RALYL: variants seen among roughly 807,000 people sequenced by gnomAD.
RALYL encodes RNA-binding Raly-like protein.
A neutral mutation model predicts 35.1 loss-of-function variants in RALYL; 29 were observed. That is an observed-to-expected ratio of 0.83 (90% confidence interval 0.61 to 1.13). The LOEUF (loss-of-function observed/expected upper bound fraction) is 1.13, where lower values mean the gene tolerates loss of function less well. Ranked by LOEUF, RALYL falls within the 50% of genes most tolerant of loss-of-function variation. The pLI, the probability that RALYL is intolerant of heterozygous loss-of-function variation, is 0.00. For missense variants in RALYL, 359 were observed against 360.4 expected (o/e 1.00, Z 0.03); for synonymous variants, 120 against 127.6 (o/e 0.94, Z 0.40).
At chr8:84,334,151 T>C (rs922455757) in intron 1 of RALYL, among the ~76,000 whole-genome samples, 8 of 152,290 alleles carry the variant, frequency 5.3e-5, no homozygotes, top group African/African-American at 1.4e-4. Context: ...CCCCAAGTGC[T>C]GGGATTATAG....
At chr8:84,653,459 C>T (rs1049825344) in intron 2 of RALYL, among the ~76,000 whole-genome samples, 6 of 151,986 alleles carry the variant, frequency 3.9e-5, no homozygotes, top group African/African-American at 1.4e-4. Context: ...CAGTAGCTTC[C>T]TTGCTTTCCT....
At chr8:84,237,670 C>G (rs1406913464) in intron 1 of RALYL, among the ~76,000 whole-genome samples, 2 of 152,050 alleles carry the variant, frequency 1.3e-5, no homozygotes, top group Non-Finnish European at 2.9e-5. Flanking sequence ...AATAGAGGAA[C>G]ATCAGGCTGT....
At chr8:84,674,677 C>T (rs1833864472) in intron 2 of RALYL, among the ~76,000 whole-genome samples, 1 of 152,148 alleles carries the variant, frequency 6.6e-6, no homozygotes, top group East Asian at 1.9e-4. Flanking sequence ...CTGTATAATC[C>T]AGGTGGACAG....
At chr8:84,759,389 T>C (rs1046742398) in intron 2 of RALYL, among the ~76,000 whole-genome samples, 4 of 152,112 alleles carry the variant, frequency 2.6e-5, no homozygotes, top group African/African-American at 4.8e-5. Context: ...ACACTCAAGG[T>C]CCAGTCCTTT....
At chr8:84,746,571 A>C (rs901778129) in intron 2 of RALYL, among the ~76,000 whole-genome samples, 1 of 152,020 alleles carries the variant, frequency 6.6e-6, no homozygotes, top group Non-Finnish European at 1.5e-5. Flanking sequence ...GTATTGGACT[A>C]TACCACCAAA....
intron 1 of RALYL, among the ~76,000 whole-genome samples, chr8:84,328,069 G>A (rs550284140): frequency 6.6e-6 from 1 of 152,146 alleles, no homozygotes; most frequent in Admixed American, 6.5e-5. Flanking sequence ...TTTTGAGGCT[G>A]TCTTTCATAG....
chr8:84,644,939 A>G (rs902147198), intron 2 of RALYL, among the ~76,000 whole-genome samples: 2 of 151,720 alleles, frequency 1.3e-5, no homozygotes, highest in African/African-American at 4.8e-5. Context: ...TTTAATAGAG[A>G]CAGTTTCCCC....
intron 1 of RALYL, among the ~76,000 whole-genome samples, chr8:84,419,919 C>T (rs2045289777): frequency 6.6e-6 from 1 of 151,528 alleles, no homozygotes; most frequent in African/African-American, 2.4e-5. Context: ...TGTATATGTG[C>T]CACATTTTCT....
intron 3 of RALYL, among the ~76,000 whole-genome samples, chr8:84,796,742 A>G (rs1822008378): frequency 1.4e-5 from 2 of 145,356 alleles, no homozygotes; most frequent in South Asian, 2.1e-4. Context: ...AGATTTCTAT[A>G]ATTCTTAAGT....
intron 1 of RALYL, among the ~76,000 whole-genome samples, chr8:84,256,030 A>C (rs1465925480): frequency 1.3e-5 from 2 of 152,164 alleles, no homozygotes; most frequent in East Asian, 3.9e-4. Context: ...ATTGTAAAAT[A>C]AACAATTTGC....
intron 5 of RALYL, among the ~76,000 whole-genome samples, chr8:84,852,058 G>A (rs746358618): frequency 5.9e-5 from 9 of 152,120 alleles, no homozygotes; most frequent in African/African-American, 1.2e-4. Context: ...GTCATTTTCC[G>A]AAGGTCACCA....
At chr8:84,425,485 T>C (rs987282994) in intron 1 of RALYL, among the ~76,000 whole-genome samples, 1 of 152,130 alleles carries the variant, frequency 6.6e-6, no homozygotes, top group South Asian at 2.1e-4. Flanking sequence ...GTACCTCAGA[T>C]GGAAATGCAG....
chr8:84,784,980 T>C (rs112125861), intron 3 of RALYL, among the ~76,000 whole-genome samples: 8 of 152,320 alleles, frequency 5.3e-5, no homozygotes, highest in East Asian at 1.9e-4. Flanking sequence ...AGGGATCTTC[T>C]TCCAACTCTG....
At chr8:84,644,421 C>T (rs1827044297) in intron 2 of RALYL, among the ~76,000 whole-genome samples, 2 of 151,902 alleles carry the variant, frequency 1.3e-5, no homozygotes, top group Admixed American at 6.6e-5. Context: ...TTCCTATCCT[C>T]GTGGACTGAC....
At chr8:84,318,527 C>A (rs929184979) in intron 1 of RALYL, among the ~76,000 whole-genome samples, 4 of 152,092 alleles carry the variant, frequency 2.6e-5, no homozygotes, top group African/African-American at 9.7e-5. Flanking sequence ...ATAAATTTGG[C>A]AAATTATCGT....
At chr8:84,332,321 A>G (rs989961629) in intron 1 of RALYL, among the ~76,000 whole-genome samples, 1 of 152,158 alleles carries the variant, frequency 6.6e-6, no homozygotes, top group African/African-American at 2.4e-5. Context: ...AATCAGCAGA[A>G]AAAAGAAAGT....
intron 2 of RALYL, among the ~76,000 whole-genome samples, chr8:84,606,619 G>A (rs1817202216): frequency 6.6e-6 from 1 of 152,012 alleles, no homozygotes; most frequent in South Asian, 2.1e-4. Flanking sequence ...AGAAGTGGAG[G>A]GTCTTTCCAT....
chr8:84,810,035 G>A (rs1055771041), intron 4 of RALYL, among the ~76,000 whole-genome samples: 1 of 151,816 alleles, frequency 6.6e-6, no homozygotes, highest in Non-Finnish European at 1.5e-5. Context: ...GTTTGGTTTT[G>A]GTTTGTTCTT....
chr8:84,458,105 C>A (rs544138876), intron 1 of RALYL, among the ~76,000 whole-genome samples: 2 of 152,002 alleles, frequency 1.3e-5, no homozygotes, highest in African/African-American at 4.8e-5. Context: ...AAATTAACAT[C>A]ATGTTGACCT....
Sources: gnomAD v4.1 joint callset for allele counts (sites outside exome capture counted in the v4.1 genomes callset) on GRCh38, gnomAD v4.1.1 for gene constraint, MANE v1.5 for transcripts, NCBI Gene and HGNC (gene_info 2026-07-23, HGNC 2026-07-21) for gene names.